The following HIVEP1 variants were observed in gnomAD, a reference collection of about 807,000 sequenced individuals.
The protein encoded by HIVEP1 is HIVEP zinc finger 1.
A neutral mutation model predicts 180.0 loss-of-function variants in HIVEP1; 36 were observed. That is an observed-to-expected ratio of 0.20 (90% CI 0.15 to 0.26). The LOEUF (loss-of-function observed/expected upper bound fraction) is 0.26. Ranked by LOEUF, HIVEP1 falls within the 10% of genes least tolerant of loss-of-function variation. The pLI, the probability that HIVEP1 is intolerant of heterozygous loss-of-function variation, is 1.00. For synonymous variants in HIVEP1, 1,239 were observed against 1,239.0 expected (o/e 1.00, Z 0.00); for missense variants, 3,143 against 3,268.7 (o/e 0.96, Z 0.94).
chr6:12,088,478 C>T (rs930145835), intron 2 of HIVEP1, among the ~76,000 whole-genome samples: 1 of 152,044 alleles, frequency 6.6e-6, no homozygotes, highest in African/African-American at 2.4e-5. Flanking sequence ...ATAGAGCATG[C>T]ACATATTTAC....
rs140205555 is a variant in HIVEP1, at chr6:12,059,138, T to C, written c.41-30046T>C. Among the ~76,000 whole-genome samples the C allele has an allele frequency of 4.2e-3, 642 of 152,228 alleles. 2 individuals are homozygous for C. Among genetic ancestry groups the C allele is most frequent in the Non-Finnish European group, 6.2e-3 (420 of 68,014 alleles). On this transcript the variant is annotated intron_variant, in intron 2 of 8. Coordinates refer to ENST00000379388, the MANE Select transcript of HIVEP1 (RefSeq NM_002114.4). ...TTGTTCCAGGCTATTTCAATTGGAA[T>C]TATTATTATTAGACCATCACATGTT...
chr6:12,121,962 C>T lies in HIVEP1; in HGVS notation c.2167C>T (p.Pro723Ser), dbSNP rs1293976866. The change falls in exon 4 of 9, where the codon CCC becomes TCC. Residue 723 changes from proline (P) to serine (S), a missense_variant. Around this residue, in one of 12 missense-constraint regions of HIVEP1, gnomAD observed 365 missense variants for 344.4 expected, o/e 1.06. Coordinates refer to ENST00000379388, the MANE Select transcript of HIVEP1 (RefSeq NM_002114.4). This position sits in a 1 kb window ranked among gnomAD's most constrained non-coding sequence, Gnocchi z 5.3. Reference sequence around the variant, plus strand: ...CACCACGTCAACACCCTCTGCTTTGCCCACAGGGGAAAAGGCATTGCTTTT... The same window carrying T: ...CACCACGTCAACACCCTCTGCTTTGTCCACAGGGGAAAAGGCATTGCTTTT... ...LVTTSTPSAL[P>S]TGEKALLLPG... 1.9e-6 allele frequency: 3 copies of T among 1,614,132 alleles called. No homozygotes were observed. Among genetic ancestry groups the T allele is most frequent in the Admixed American group, 3.3e-5 (2 of 60,018 alleles).
At chr6:12,017,550 G>T (rs1033306456) in intron 2 of HIVEP1, among the ~76,000 whole-genome samples, 3 of 152,144 alleles carry the variant, frequency 2.0e-5, no homozygotes, top group Non-Finnish European at 2.9e-5. Flanking sequence ...TGCTGCCTCC[G>T]GCAGCCTGCT....
At chr6:12,159,231 C>T (rs1760253536) in intron 7 of HIVEP1, among the ~76,000 whole-genome samples, 1 of 151,894 alleles carries the variant, frequency 6.6e-6, no homozygotes, top group South Asian at 2.1e-4. Context: ...CACGTGCACG[C>T]TTGTGTGTGT....
intron 5 of HIVEP1, 49 bp from the exon 6 acceptor site, chr6:12,130,718 C>T: frequency 2.9e-6 from 3 of 1,029,564 alleles, no homozygotes; most frequent in Admixed American, 2.4e-5. Flanking sequence ...AATATTTTCT[C>T]AGAGGCATAG....
In HIVEP1 at chr6:12,121,791, C is replaced by A. The variant is rs777521235; in HGVS notation, c.1996C>A (p.Arg666=). The change falls in exon 4 of 9, where the codon CGA becomes AGA. Residue 666 remains arginine, a synonymous_variant. Transcript: ENST00000379388. This position sits in a 1 kb window ranked among gnomAD's most constrained non-coding sequence, Gnocchi z 5.3. ...QEQQGKLLSP[R]SLGSTDSGYF... The stretch of plus-strand genomic sequence containing the variant: ...GCAGCAAGGAAAGCTCCTGAGTCCT[C>A]GAAGTTTAGGAAGTACGGATTCTGG... 5.8e-5 allele frequency: 94 copies of A among 1,614,012 alleles called. 1 individual carries two copies. In the Admixed American group the frequency reaches 1.6e-3, roughly 27 times the overall value.
chr6:12,099,091 G>A (rs1379845146), intron 3 of HIVEP1, among the ~76,000 whole-genome samples: 2 of 152,128 alleles, frequency 1.3e-5, no homozygotes, highest in East Asian at 1.9e-4. Context: ...CCTGATCTGC[G>A]GTGGGAGGTG....
At position 12,163,287 on chromosome 6, in the gene HIVEP1, C is replaced by T; in HGVS notation, c.6983C>T (p.Pro2328Leu). The T allele has an allele frequency of 6.2e-7, 1 of 1,612,216 alleles. No homozygotes were observed. Among genetic ancestry groups the T allele is most frequent in the Non-Finnish European group, 8.5e-7 (1 of 1,178,758 alleles). Residue 2328 changes from proline to leucine, a missense_variant, in exon 9 of 9, where the codon CCA becomes CTA. Around this residue, in one of 12 missense-constraint regions of HIVEP1, gnomAD observed 595 missense variants for 602.2 expected, o/e 0.99. Transcript: ENST00000379388. The part of the protein sequence containing the change: ...AGKAVAITQS[P>L]SSVRLPPAAA... ...TTGCTCTCTCTTGTCATTTAGAGCC[C>T]ATCATCTGTAAGACTTCCTCCTGCT... is the stretch of plus-strand genomic sequence containing the variant.
chr6:12,158,628 G>A (rs950425369), intron 7 of HIVEP1, among the ~76,000 whole-genome samples: 7 of 152,078 alleles, frequency 4.6e-5, no homozygotes, highest in African/African-American at 7.2e-5. Flanking sequence ...AGGTTTCTGG[G>A]CTGTGACCTT....
At chr6:12,173,232 G>C in the HIVEP1 span, among the ~76,000 whole-genome samples, 2 of 152,146 alleles carry the variant, frequency 1.3e-5, no homozygotes, top group Admixed American at 6.5e-5. Context: ...TTTGAGTATT[G>C]ACATTGTTGG....
At chr6:12,091,177 A>T (rs1773450909) in intron 3 of HIVEP1, among the ~76,000 whole-genome samples, 1 of 152,146 alleles carries the variant, frequency 6.6e-6, no homozygotes, top group Admixed American at 6.6e-5. Context: ...TTTCTTGCTG[A>T]TACCTATTTT....
intron 4 of HIVEP1, among the ~76,000 whole-genome samples, chr6:12,126,517 C>T (rs1758079662): frequency 6.6e-6 from 1 of 152,148 alleles, no homozygotes; most frequent in African/African-American, 2.4e-5. Context: ...TGGAATCAGT[C>T]TCATTAGAAT....
chr6:12,039,617 G>A (rs1769533605), intron 2 of HIVEP1, among the ~76,000 whole-genome samples: 1 of 152,204 alleles, frequency 6.6e-6, no homozygotes, highest in Non-Finnish European at 1.5e-5. Flanking sequence ...TAGGAGGTTA[G>A]AGGGAGGTCC....
Position 12,149,891 on chromosome 6 carries a change from T to C in HIVEP1, c.6488-11548T>C, listed in dbSNP as rs1001712959. On this transcript the variant is annotated intron_variant, in intron 7 of 8. Coordinates refer to ENST00000379388, the MANE Select transcript of HIVEP1 (RefSeq NM_002114.4). ...GGCCACAGACCCCTTCTGAATTCTT[T>C]ACCACCCTTAGCAACAGCAGGCTGC... is the stretch of plus-strand genomic sequence containing the variant. 2.6e-5 allele frequency among the ~76,000 whole-genome samples: 4 copies of C among 152,338 alleles called. No homozygotes were observed. In the Middle Eastern group the frequency reaches 0.014, roughly 518 times the overall value.
chr6:12,080,615 A>G (rs1483009364), intron 2 of HIVEP1, among the ~76,000 whole-genome samples: 1 of 152,178 alleles, frequency 6.6e-6, no homozygotes, highest in Non-Finnish European at 1.5e-5. Context: ...AACAACATTT[A>G]GTTGATCTAT....
chr6:12,190,714 GT>G, the HIVEP1 span, among the ~76,000 whole-genome samples: 1 of 151,908 alleles, frequency 6.6e-6, no homozygotes, highest in African/African-American at 2.4e-5. Flanking sequence ...CTCTTGTAGT[GT>G]TTTTCCACAC....
chr6:12,126,030 G>A (rs1758049261), intron 4 of HIVEP1, among the ~76,000 whole-genome samples, 160 bp downstream of exon 4: 1 of 152,124 alleles, frequency 6.6e-6, no homozygotes, highest in Non-Finnish European at 1.5e-5. Flanking sequence ...TTTACCCCAG[G>A]AGTTACATTG....
chr6:12,095,189 T>A (rs1484221193), intron 3 of HIVEP1, among the ~76,000 whole-genome samples: 1 of 151,916 alleles, frequency 6.6e-6, no homozygotes, highest in African/African-American at 2.4e-5. Context: ...TTACTTTCTT[T>A]TTATTTTGCC....
At chr6:12,034,532 TAAGAC>T (rs1769154272) in intron 2 of HIVEP1, among the ~76,000 whole-genome samples, 2 of 152,156 alleles carry the variant, frequency 1.3e-5, no homozygotes, top group Non-Finnish European at 2.9e-5. Context: ...ATAGGAGAGT[TAAGAC>T]AAGCCCAAAA....
Sources: gnomAD v4.1 joint callset for allele counts (sites outside exome capture counted in the v4.1 genomes callset) on GRCh38, gnomAD v4.1.1 for gene constraint, gnomAD v4.1.1 regional missense constraint, Gnocchi (gnomAD v3.1) non-coding constraint, MANE v1.5 for transcripts, NCBI Gene and HGNC (gene_info 2026-07-23, HGNC 2026-07-21) for gene names.